NCAN: variants seen among roughly 807,000 people sequenced by gnomAD.
NCAN encodes neurocan.
In NCAN, 47 loss-of-function variants were observed where a neutral mutation model predicts 121.8. The observed-to-expected ratio is 0.39, with a 90% confidence interval of 0.31 to 0.49. The LOEUF is 0.49. Ranked by LOEUF, NCAN falls within the 20% of genes least tolerant of loss-of-function variation. NCAN has a pLI of 0.92. For missense variants in NCAN, 1,517 were observed against 1,773.4 expected, an observed-to-expected ratio of 0.86 and a Z score of 2.60; for synonymous variants, 633 against 702.0, an observed-to-expected ratio of 0.90 and a Z score of 1.55.
chr19:19,241,258 C>G (rs1451884571), intron 12 of NCAN, among the ~76,000 whole-genome samples: 1 of 132,486 alleles, frequency 7.5e-6, no homozygotes, highest in Non-Finnish European at 1.6e-5. Flanking sequence ...GATCCTGTCT[C>G]AAAAAAAAAA....
chr19:19,226,385 GA>G, intron 6 of NCAN, 100 bp from the exon 7 acceptor site: 1 of 955,240 alleles, frequency 1.0e-6, no homozygotes, highest in Non-Finnish European at 1.6e-6. Flanking sequence ...GAGGTACACA[GA>G]AGGCTTATGC....
intron 2 of NCAN, among the ~76,000 whole-genome samples, chr19:19,217,460 T>A (rs762487046): frequency 2.0e-5 from 3 of 151,684 alleles, no homozygotes; most frequent in Admixed American, 6.6e-5. Flanking sequence ...TTTCCTCAAC[T>A]CCCCCCAAAG....
rs779613701 is a variant in NCAN, at chr19:19,212,580, G to T, written c.-8+516G>T. On this transcript the variant is annotated intron_variant, in intron 1 of 14. Coordinates refer to ENST00000252575, the MANE Select transcript of NCAN (RefSeq NM_004386.3). This position sits in a 1 kb window ranked among gnomAD's most constrained non-coding sequence, Gnocchi z 4.5. Reference sequence around the variant, plus strand: ...CTGTGCCCAATGGAAGGGTATCTGCGCTGAGAGCGAACGGCCATGGGGAAG... The same window carrying T: ...CTGTGCCCAATGGAAGGGTATCTGCTCTGAGAGCGAACGGCCATGGGGAAG... Among the ~76,000 whole-genome samples the T allele has an allele frequency of 3.9e-5, 6 of 152,204 alleles. No homozygotes were observed. The highest frequency in any genetic ancestry group is 8.8e-5 in the Non-Finnish European group (6 of 68,022).
At chr19:19,237,691 A>G (rs2060886812) in intron 10 of NCAN, among the ~76,000 whole-genome samples, 1 of 152,134 alleles carries the variant, frequency 6.6e-6, no homozygotes, top group South Asian at 2.1e-4. Context: ...CAGCATTGGA[A>G]TGAGAGGGGG....
rs748188541 is a variant in NCAN at position 19,248,806 on chromosome 19, T to G, written c.3744T>G (p.Phe1248Leu). The G allele has an allele frequency of 6.2e-7, 1 of 1,614,194 alleles. No homozygotes were observed. The highest frequency in any genetic ancestry group is 1.1e-5 in the South Asian group (1 of 91,082). The change falls in exon 14 of 15, where the codon TTT (phenylalanine) becomes TTG (leucine). Residue 1248 changes from phenylalanine (F) to leucine (L), a missense_variant. By Grantham distance (22) the Phe-to-Leu change is conservative. Transcript: ENST00000252575. ...ATVRYQCNEG[F>L]AQHHVATIRC... The stretch of plus-strand genomic sequence containing the variant: ...TAAGGTACCAGTGCAATGAAGGATT[T>G]GCCCAGCACCATGTGGCCACCATTC...
chr19:19,236,548 A>G (rs1173361888), intron 10 of NCAN, among the ~76,000 whole-genome samples: 2 of 151,856 alleles, frequency 1.3e-5, no homozygotes, highest in Non-Finnish European at 2.9e-5. Context: ...TTTTTGGTGT[A>G]TACTCTCAGG....
At chr19:19,229,178 C>T (rs1568598272) in intron 8 of NCAN, among the ~76,000 whole-genome samples, 1 of 152,200 alleles carries the variant, frequency 6.6e-6, no homozygotes, top group Non-Finnish European at 1.5e-5. Context: ...ACTGCACTTC[C>T]AGCCTGGGTG....
intron 13 of NCAN, among the ~76,000 whole-genome samples, chr19:19,247,070 C>G (rs535580356): frequency 2.6e-5 from 4 of 151,996 alleles, no homozygotes; most frequent in Non-Finnish European, 5.9e-5. Context: ...TCCTCCCCCC[C>G]ATTTATTCAT....
intron 8 of NCAN, among the ~76,000 whole-genome samples, chr19:19,230,460 G>A (rs1290552737): frequency 7.1e-6 from 1 of 140,610 alleles, no homozygotes; most frequent in African/African-American, 2.7e-5. Context: ...CTTGAGTGCA[G>A]TGGCAAGATC....
intron 10 of NCAN, among the ~76,000 whole-genome samples, chr19:19,236,353 T>C (rs563836967): frequency 4.6e-5 from 7 of 152,352 alleles, no homozygotes; most frequent in Non-Finnish European, 1.0e-4. Context: ...AGTGTTTCAT[T>C]CCTTTTCATG....
Position 19,248,785 on chromosome 19 carries a change from G to A in NCAN, c.3723G>A (p.Arg1241=), listed in dbSNP as rs756521699. 2.5e-6 allele frequency: 4 copies of A among 1,614,070 alleles called. No individual in the cohort carries two copies. The highest frequency in any genetic ancestry group is 1.1e-5 in the South Asian group (1 of 91,084). ...AGTACAATGTCCATGCCACTGTAAG[G>A]TACCAGTGCAATGAAGGATTTGCCC... is the stretch of plus-strand genomic sequence containing the variant. ...KAKYNVHATV[R]YQCNEGFAQH... is the part of the protein sequence containing the mutation. The change falls in exon 14 of 15, where the codon AGG becomes AGA. Residue 1241 remains arginine, a synonymous_variant. Transcript: ENST00000252575.
At chr19:19,222,382 G>A (rs979412746) in intron 3 of NCAN, among the ~76,000 whole-genome samples, 1 of 152,126 alleles carries the variant, frequency 6.6e-6, no homozygotes, top group African/African-American at 2.4e-5. Flanking sequence ...GGGTTCAAGC[G>A]ATTCTCCTGC....
chr19:19,227,746 G>A lies in NCAN; in HGVS notation c.2126G>A (p.Gly709Glu), dbSNP rs1016480791. The part of the protein sequence containing the change: ...ESPRADFRET[G>E]ETSPAQVNKA... The stretch of plus-strand genomic sequence containing the variant: ...CCCAGGGCAGACTTCAGAGAAACTG[G>A]GGAGACCAGCCCTGCTCAGGTCAAC... The change falls in exon 8 of 15, where the codon GGG becomes GAG. Residue 709 changes from glycine (G) to glutamate (E), a missense_variant. Coordinates refer to ENST00000252575, the MANE Select transcript of NCAN (RefSeq NM_004386.3). The surrounding 1 kb of genome is among the most constrained non-coding windows in gnomAD (Gnocchi z 4.2). 6.2e-7 allele frequency: 1 copy of A among 1,613,644 alleles called. No individual in the cohort carries two copies. The highest frequency in any genetic ancestry group is 1.3e-5 in the African/African-American group (1 of 74,892).
At chr19:19,221,118 T>C (rs1460362720) in intron 3 of NCAN, among the ~76,000 whole-genome samples, 1 of 151,812 alleles carries the variant, frequency 6.6e-6, no homozygotes, top group African/African-American at 2.4e-5. Context: ...TGTGTTCCTG[T>C]AGTCTTAGCT....
At chr19:19,247,112 T>G (rs956310197) in intron 13 of NCAN, among the ~76,000 whole-genome samples, 7 of 152,158 alleles carry the variant, frequency 4.6e-5, no homozygotes, top group Non-Finnish European at 1.5e-5. Flanking sequence ...AAACAGGGTC[T>G]TGCAATGTTG....
chr19:19,217,899 A>C (rs1410368746), intron 2 of NCAN, among the ~76,000 whole-genome samples: 2 of 152,048 alleles, frequency 1.3e-5, no homozygotes, highest in Non-Finnish European at 2.9e-5. Flanking sequence ...AGGCATGAGA[A>C]TCGCTTGAAC....
intron 8 of NCAN, among the ~76,000 whole-genome samples, chr19:19,230,018 A>G (rs1314212341): frequency 1.3e-5 from 2 of 152,158 alleles, no homozygotes; most frequent in East Asian, 3.8e-4. Flanking sequence ...GCTAATTAAT[A>G]AGTCTTTTTT....
chr19:19,234,652 G>A (rs2060874497), intron 9 of NCAN, among the ~76,000 whole-genome samples: 1 of 152,200 alleles, frequency 6.6e-6, no homozygotes, highest in Admixed American at 6.5e-5. Context: ...CTTTGCAAAT[G>A]CCTAAAAGAG....
At chr19:19,243,025 AT>A (rs149964813) in intron 12 of NCAN, among the ~76,000 whole-genome samples, 5,928 of 152,150 alleles carry the variant, frequency 0.039, 154 homozygotes, top group South Asian at 0.11. Context: ...ATAAAATAAA[AT>A]AAAATAATAA....
Sources: allele counts gnomAD v4.1 joint callset (sites outside exome capture counted in the v4.1 genomes callset), GRCh38; gene constraint gnomAD v4.1.1; non-coding constraint Gnocchi (gnomAD v3.1); transcripts MANE v1.5; gene names NCBI Gene and HGNC (gene_info 2026-07-23, HGNC 2026-07-21).